Variants in B3GALNT2 observed in about 807,000 individuals in gnomAD.
B3GALNT2 encodes the protein beta-1,3-N-acetylgalactosaminyltransferase 2.
B3GALNT2 carries 53 observed loss-of-function variants against 61.1 expected under a neutral mutation model. The observed-to-expected ratio is 0.87, with a 90% confidence interval of 0.70 to 1.09. The LOEUF (loss-of-function observed/expected upper bound fraction) is 1.09, where lower values mean the gene tolerates loss of function less well. Ranked by LOEUF, B3GALNT2 falls within the 50% of genes least tolerant of loss-of-function variation. The pLI is 0.00. For missense variants in B3GALNT2, 544 were observed against 623.0 expected (o/e 0.87, Z 1.35); for synonymous variants, 223 against 237.4 (o/e 0.94, Z 0.56).
chr1:235,482,834 C>G (rs559605139), intron 4 of B3GALNT2, among the ~76,000 whole-genome samples: 1 of 151,736 alleles, frequency 6.6e-6, no homozygotes, highest in Non-Finnish European at 1.5e-5. Flanking sequence ...CAAACAACAA[C>G]AAAAAAACCG....
chr1:235,462,202 A>C (rs1168577064), intron 7 of B3GALNT2, among the ~76,000 whole-genome samples: 3 of 152,244 alleles, frequency 2.0e-5, no homozygotes, highest in Admixed American at 6.5e-5. Context: ...GTAACAGGAA[A>C]ATGGCTTGTA....
Position 235,448,687 on chromosome 1 carries a change from C to T in B3GALNT2, c.*1519G>A, listed in dbSNP as rs769918946. 8 of 1,613,782 alleles carry T rather than the reference C, an allele frequency of 5.0e-6. No individual in the cohort carries two copies. The highest frequency in any genetic ancestry group is 2.7e-5 in the African/African-American group (2 of 74,884). On this transcript the variant is annotated 3_prime_UTR_variant, in exon 12 of 12. Coordinates refer to ENST00000366600, the MANE Select transcript of B3GALNT2 (RefSeq NM_152490.5). ...AATTTTAGAAGCCGGGCAGAGAAAT[C>T]GAGCTGGAAAATGACCTAAAGTCAT...
intron 1 of B3GALNT2, 31 bp downstream of exon 1, chr1:235,504,110 G>GGGGGC: frequency 8.3e-7 from 1 of 1,208,690 alleles, no homozygotes; most frequent in Non-Finnish European, 1.0e-6. Flanking sequence ...CCCCCCGGCG[G>GGGGGC]CCGCCAACCC....
intron 7 of B3GALNT2, among the ~76,000 whole-genome samples, chr1:235,461,384 A>C (rs1218442662): frequency 6.6e-6 from 1 of 150,750 alleles, no homozygotes; most frequent in East Asian, 2.0e-4. Flanking sequence ...CCAGGAATCT[A>C]TTTTTTTTCC....
At chr1:235,484,207 C>T (rs995037661) in intron 4 of B3GALNT2, 115 bp downstream of exon 4, 7 of 1,395,846 alleles carry the variant, frequency 5.0e-6, no homozygotes, top group African/African-American at 2.9e-5. Flanking sequence ...AGGTGAAAGT[C>T]TCTCAACCAG....
At chr1:235,488,627 TG>T (rs1684913637) in intron 3 of B3GALNT2, among the ~76,000 whole-genome samples, 1 of 32,642 alleles carries the variant, frequency 3.1e-5, no homozygotes, top group African/African-American at 1.8e-4. Context: ...GAGGTTGCAG[TG>T]AGCCAGTGAG....
At chr1:235,455,114 G>A (rs904806201) in intron 9 of B3GALNT2, among the ~76,000 whole-genome samples, 8 of 150,612 alleles carry the variant, frequency 5.3e-5, no homozygotes, top group African/African-American at 1.7e-4. Context: ...CAATTGTACA[G>A]TAATATAAAA....
chr1:235,461,708 G>T (rs1398812299), intron 7 of B3GALNT2, among the ~76,000 whole-genome samples: 2 of 151,486 alleles, frequency 1.3e-5, no homozygotes, highest in Non-Finnish European at 3.0e-5. Context: ...GTATAGATGG[G>T]GTTTCACCAT....
intron 5 of B3GALNT2, 141 bp from the exon 6 acceptor site, chr1:235,471,101 C>T: frequency 7.0e-7 from 1 of 1,432,014 alleles, no homozygotes; most frequent in Non-Finnish European, 9.2e-7. Flanking sequence ...TCTGACATAC[C>T]ACTGTTAGCG....
intron 2 of B3GALNT2, among the ~76,000 whole-genome samples, chr1:235,491,152 A>G (rs940957795): frequency 2.1e-4 from 32 of 152,082 alleles, no homozygotes; most frequent in Non-Finnish European, 1.8e-4. Context: ...GATACAGCAT[A>G]GAAGTCACTG....
Position 235,474,968 on chromosome 1 carries a change from TA to T in B3GALNT2, c.652-4009del, listed in dbSNP as rs1558425188. On this transcript the variant is annotated intron_variant, in intron 5 of 11. Transcript: ENST00000366600. ...TTAGAGACATATATATATATATATA[TA>T]TATATATATATATATATATTTTTTT... 7.9e-3 allele frequency among the ~76,000 whole-genome samples: 229 copies of T among 28,832 alleles called. 9 individuals carry two copies. Among genetic ancestry groups the T allele is most frequent in the African/African-American group, 0.036 (201 of 5,572 alleles). The allele number at this position is 28,832 out of a possible 152,430, so 18.9% of individuals were successfully genotyped here. A position where few individuals can be genotyped will look rare whatever the true frequency, so the allele number is the denominator to read the frequency against.
chr1:235,458,795 G>A lies in B3GALNT2; in HGVS notation c.842-9C>T, dbSNP rs1683285785. On this transcript the variant is annotated splice_polypyrimidine_tract_variant and intron_variant, in intron 7 of 11. Coordinates refer to ENST00000366600, the MANE Select transcript of B3GALNT2 (RefSeq NM_152490.5). The stretch of plus-strand genomic sequence containing the variant: ...TAAGAGAGCATCACCTTCTATAAAG[G>A]AAAAGTTGAGAGTTGGAGAAAAATG... 1 of 1,566,534 alleles carries A rather than the reference G, an allele frequency of 6.4e-7. No homozygotes were observed. The highest frequency in any genetic ancestry group is 1.2e-5 in the South Asian group (1 of 82,542).
Position 235,452,966 on chromosome 1 carries a change from C to CA in B3GALNT2, c.1368+123dup, listed in dbSNP as rs1269080091. The stretch of plus-strand genomic sequence containing the variant: ...AGTATAATGCAATTATTCTAAAATC[C>CA]AAAAAAATCTGAAATCCTAAATACT... On this transcript the variant is annotated intron_variant, in intron 11 of 11. Transcript: ENST00000366600. 9.2e-6 allele frequency: 8 copies of CA among 869,196 alleles called. No homozygotes were observed. In the South Asian group the frequency reaches 9.2e-5, roughly 10 times the overall value. The allele number at this position is 869,196 out of a possible 1,614,324, so 53.8% of individuals were successfully genotyped here. A position where few individuals can be genotyped will look rare whatever the true frequency, so the allele number is the denominator to read the frequency against.
intron 2 of B3GALNT2, among the ~76,000 whole-genome samples, chr1:235,489,475 T>C (rs1684964289): frequency 6.6e-6 from 1 of 152,222 alleles, no homozygotes; most frequent in African/African-American, 2.4e-5. Context: ...GAGTCCTTAT[T>C]GCAATGCTAT....
At chr1:235,469,044 CA>C (rs1180089872) in intron 6 of B3GALNT2, among the ~76,000 whole-genome samples, 1 of 152,120 alleles carries the variant, frequency 6.6e-6, no homozygotes, top group Non-Finnish European at 1.5e-5. Context: ...ACATGGCCTA[CA>C]AATCTAAATG....
At chr1:235,444,836 G>A (rs1682138000), downstream of B3GALNT2, among the ~76,000 whole-genome samples, 1 of 152,260 alleles carries the variant, frequency 6.6e-6, no homozygotes, top group Non-Finnish European at 1.5e-5. Flanking sequence ...ATTGTCATTA[G>A]ACCTGTTTCG....
rs1449942270 is a variant in B3GALNT2 at position 235,449,352 on chromosome 1, T to TCATATTAGGTAA, written c.*842_*853dup. 1 of 154,564 alleles carries TCATATTAGGTAA rather than the reference T, an allele frequency of 6.5e-6. No homozygotes were observed. The highest frequency in any genetic ancestry group is 1.9e-4 in the East Asian group (1 of 5,258). 9.6% of individuals were successfully genotyped at this position (154,564 alleles called of 1,614,324 possible). On this transcript the variant is annotated 3_prime_UTR_variant, in exon 12 of 12. Coordinates refer to ENST00000366600, the MANE Select transcript of B3GALNT2 (RefSeq NM_152490.5). Reference sequence around the variant, plus strand: ...ATAACCAGCTTTGATTGAAATGTACTCATATTAGGTAAACATTAGGCAATG... The same window carrying TCATATTAGGTAA: ...ATAACCAGCTTTGATTGAAATGTACTCATATTAGGTAACATATTAGGTAAACATTAGGCAATG...
rs1190901927 is a variant in B3GALNT2 at position 235,456,781 on chromosome 1, A to G, written c.1026-1097T>C. ...ACGCCTAGGAAATATCTTGCTCTAA[A>G]GAGTATCCGGGGCTGACTCTTAGCC... On this transcript the variant is annotated intron_variant, in intron 8 of 11. Coordinates refer to ENST00000366600, the MANE Select transcript of B3GALNT2 (RefSeq NM_152490.5). 2.0e-5 allele frequency among the ~76,000 whole-genome samples: 3 copies of G among 152,314 alleles called. No individual in the cohort carries two copies. In the East Asian group the frequency reaches 5.8e-4, roughly 29 times the overall value.
At chr1:235,500,914 G>A (rs1471913579) in intron 1 of B3GALNT2, among the ~76,000 whole-genome samples, 3 of 152,120 alleles carry the variant, frequency 2.0e-5, no homozygotes, top group Non-Finnish European at 4.4e-5. Context: ...CTCACCCCAG[G>A]CAAAATTACA....
Sources: gnomAD v4.1 joint callset for allele counts (sites outside exome capture counted in the v4.1 genomes callset) on GRCh38, gnomAD v4.1.1 for gene constraint, MANE v1.5 for transcripts, NCBI Gene and HGNC (gene_info 2026-07-23, HGNC 2026-07-21) for gene names.